The following RAPGEF3 variants were observed in gnomAD, a reference collection of about 807,000 sequenced individuals.
RAPGEF3 encodes 9330170P05Rik.
Under a neutral mutation model 129.8 loss-of-function variants are expected in RAPGEF3, and 103 were observed. The ratio of observed to expected loss-of-function variants is 0.79; its 90% confidence interval spans 0.68 to 0.93. The LOEUF (loss-of-function observed/expected upper bound fraction) is 0.93, where lower values mean the gene tolerates loss of function less well. Among genes scored for constraint, RAPGEF3 ranks in the 40% least tolerant of loss-of-function variants. RAPGEF3 has a pLI of 0.00. For missense variants in RAPGEF3, 1,117 were observed against 1,207.4 expected (o/e 0.93, Z 1.11); for synonymous variants, 436 against 482.6 (o/e 0.90, Z 1.26).
chr12:47,758,701 A>G lies in RAPGEF3; in HGVS notation c.-145T>C. ...GTGAACTGGGCCAGTGCCTAGCTGG[A>G]CTGGCTGCCAGGGCAGCAGGATGCA... On this transcript the variant is annotated 5_prime_UTR_variant, in exon 1 of 28. Transcript: ENST00000449771. 1 of 1,420,582 alleles carries G rather than the reference A, an allele frequency of 7.0e-7. No homozygotes were observed. The highest frequency in any genetic ancestry group is 2.4e-5 in the Admixed American group (1 of 41,664). The allele number at this position is 1,420,582 out of a possible 1,614,324, so 88.0% of individuals were successfully genotyped here.
intron 17 of RAPGEF3, 108 bp from the exon 18 acceptor site, chr12:47,743,784 G>C: frequency 6.8e-7 from 1 of 1,478,640 alleles, no homozygotes; most frequent in Non-Finnish European, 9.2e-7. Context: ...AAGAGGCTGA[G>C]CTGCAGGTGG....
intron 15 of RAPGEF3, among the ~76,000 whole-genome samples, chr12:47,747,172 C>T (rs1941470101): frequency 6.6e-6 from 1 of 152,158 alleles, no homozygotes; most frequent in South Asian, 2.1e-4. Flanking sequence ...AGCTCCCAAC[C>T]CCCCTGAATC....
Position 47,737,603 on chromosome 12 carries a change from C to T in RAPGEF3, c.2736G>A (p.Arg912=), listed in dbSNP as rs1188365273. ...GCTCTCGGGAGAGGCGGGAGAGTTC[C>T]CGCTGGTTGTCAATGACCTTCAGCT... ...VQQLKVIDNQ[R]ELSRLSRELE... Residue 912 remains arginine (R), a synonymous_variant, in exon 28 of 28, where the codon CGG becomes CGA. Coordinates refer to ENST00000449771, the MANE Select transcript of RAPGEF3 (RefSeq NM_001098531.4). 1 of 1,604,892 alleles carries T rather than the reference C, an allele frequency of 6.2e-7. No homozygotes were observed. The highest frequency in any genetic ancestry group is 8.5e-7 in the Non-Finnish European group (1 of 1,176,434).
chr12:47,748,998 C>T, intron 10 of RAPGEF3, 67 bp from the exon 11 acceptor site: 1 of 1,307,760 alleles, frequency 7.6e-7, no homozygotes, highest in Non-Finnish European at 1.1e-6. Context: ...TCATCTACCT[C>T]CTTCATTCCA....
intron 2 of RAPGEF3, among the ~76,000 whole-genome samples, chr12:47,754,885 TAACTCCCCTGGCACC>T (rs1383314672): frequency 1.3e-5 from 2 of 152,206 alleles, no homozygotes; most frequent in African/African-American, 2.4e-5. Flanking sequence ...GAGGAGGCAC[TAACTCCCCTGGCACC>T]AGCACTGTGG....
At chr12:47,754,089 T>C (rs1201180117) in intron 2 of RAPGEF3, 1 of 152,262 alleles carries the variant, frequency 6.6e-6, no homozygotes, top group Non-Finnish European at 1.5e-5. Flanking sequence ...ATTTGTTTCC[T>C]ATTTCACAGC....
At chr12:47,751,377 C>T (rs760881020) in intron 5 of RAPGEF3, 22 bp downstream of exon 5, 1 of 1,613,282 alleles carries the variant, frequency 6.2e-7, no homozygotes, top group South Asian at 1.1e-5. Context: ...CCCGGGGCAC[C>T]CCACCCTGGG....
At chr12:47,739,646 G>A in intron 23 of RAPGEF3, 1 of 380,268 alleles carries the variant, frequency 2.6e-6, no homozygotes, top group Non-Finnish European at 5.0e-6. Context: ...CTCCAGAATA[G>A]TCAAAACCCT....
chr12:47,738,240 A>G lies in RAPGEF3; in HGVS notation c.2534T>C (p.Met845Thr), dbSNP rs1220586727. The G allele has an allele frequency of 1.9e-6, 3 of 1,613,140 alleles. No individual in the cohort carries two copies. The highest frequency in any genetic ancestry group is 2.5e-6 in the Non-Finnish European group (3 of 1,179,904). The part of the protein sequence containing the change: ...NLINFEKMRM[M>T]ARAARMLHHC... ...GTGCAGCATCCGCGCGGCTCTGGCCATCATTCTCTGCGGACAACACCGGGG... is the reference window on the plus strand; with the variant it reads ...GTGCAGCATCCGCGCGGCTCTGGCCGTCATTCTCTGCGGACAACACCGGGG... The change falls in exon 26 of 28, where the codon ATG (methionine) becomes ACG (threonine). Residue 845 changes from methionine (M) to threonine (T), a missense_variant. Around this residue, in one of 3 missense-constraint regions of RAPGEF3, gnomAD observed 643 missense variants for 673.4 expected, o/e 0.95. Coordinates refer to ENST00000449771, the MANE Select transcript of RAPGEF3 (RefSeq NM_001098531.4).
chr12:47,756,003 A>C (rs1355617588), intron 2 of RAPGEF3: 1 of 152,262 alleles, frequency 6.6e-6, no homozygotes, highest in Non-Finnish European at 1.5e-5. Flanking sequence ...AAAGTTGGTC[A>C]TCAGAAGAGG....
intron 26 of RAPGEF3, 48 bp from the exon 27 acceptor site, chr12:47,738,141 C>T (rs2136726410): frequency 6.2e-7 from 1 of 1,613,966 alleles, no homozygotes; most frequent in South Asian, 1.1e-5. Flanking sequence ...CCTGGAGCCT[C>T]ACAGAGGATG....
chr12:47,753,845 T>C (rs942440070), intron 2 of RAPGEF3: 1 of 152,116 alleles, frequency 6.6e-6, no homozygotes, highest in African/African-American at 2.4e-5. Context: ...AGAGGGCACA[T>C]TAGGAGGGGT....
At chr12:47,737,916 G>T in intron 27 of RAPGEF3, 106 bp downstream of exon 27, 1 of 1,386,202 alleles carries the variant, frequency 7.2e-7, no homozygotes, top group Non-Finnish European at 1.0e-6. Flanking sequence ...TGTATGGAAG[G>T]GCCGGGCTCC....
rs765918128 is a variant in RAPGEF3 at position 47,740,354 on chromosome 12, A to C, written c.2273T>G (p.Met758Arg). ...QKNLNSFFAV[M>R]FGLSNSAISR... is the part of the protein sequence containing the mutation. ...GATGGCCGAGTTGCTGAGGCCAAAC[A>C]TGACGGCAAAGAAGGAATTGAGATT... is the stretch of plus-strand genomic sequence containing the variant. The change falls in exon 22 of 28, where the codon ATG (methionine) becomes AGG (arginine). Residue 758 changes from methionine (M) to arginine (R), a missense_variant. Met to Arg is a moderately conservative substitution (Grantham distance 91). Transcript: ENST00000449771. 2 of 1,614,110 alleles carry C rather than the reference A, an allele frequency of 1.2e-6. No individual in the cohort carries two copies. Among genetic ancestry groups the C allele is most frequent in the Admixed American group, 1.7e-5 (1 of 60,030 alleles).
In RAPGEF3 at chr12:47,735,889, C is replaced by G. The variant is rs1053086636; in HGVS notation, c.*1678G>C. The G allele has an allele frequency of 2.6e-5, 4 of 152,346 alleles. No individual in the cohort carries two copies. The highest frequency in any genetic ancestry group is 5.9e-5 in the Non-Finnish European group (4 of 68,112). The allele number at this position is 152,346 out of a possible 1,614,324, so 9.4% of individuals were successfully genotyped here. On this transcript the variant is annotated 3_prime_UTR_variant, in exon 28 of 28. Coordinates refer to ENST00000449771, the MANE Select transcript of RAPGEF3 (RefSeq NM_001098531.4). ...GCTTGAGCCTCCTGTCCTGATTGCT[C>G]AGTTCCAGATGCTTCCGTGCTTCTC...
Position 47,740,864 on chromosome 12 carries a change from G to A in RAPGEF3, c.2050-41C>T, listed in dbSNP as rs747564413. Reference sequence around the variant, plus strand: ...AGGAGAGGTCAGCGAGTGCTGAGCCGAGCCGGGCGCCCCGCCGCCTGCTCT... The same window carrying A: ...AGGAGAGGTCAGCGAGTGCTGAGCCAAGCCGGGCGCCCCGCCGCCTGCTCT... On this transcript the variant is annotated intron_variant, in intron 20 of 27. Coordinates refer to ENST00000449771, the MANE Select transcript of RAPGEF3 (RefSeq NM_001098531.4). 9.9e-6 allele frequency: 16 copies of A among 1,613,350 alleles called. No homozygotes were observed. The Admixed American group carries it at 1.2e-4, about 12-fold the overall frequency.
Position 47,741,543 on chromosome 12 carries a change from G to A in RAPGEF3, c.1885C>T (p.Arg629Cys), listed in dbSNP as rs146740422. Reference sequence around the variant, plus strand: ...TCCTGTGGGTTGACAACAAAGAGACGCTCATTGAGCCCCAGAGATGTGGCC... The same window carrying A: ...TCCTGTGGGTTGACAACAAAGAGACACTCATTGAGCCCCAGAGATGTGGCC... The part of the protein sequence containing the change: ...GVATSLGLNE[R>C]LFVVNPQEVH... The change falls in exon 19 of 28, where the codon CGT becomes TGT. Residue 629 changes from arginine to cysteine, a missense_variant. This residue lies in a region of RAPGEF3 where 643 missense variants were observed against 673.4 expected (regional missense o/e 0.95). Coordinates refer to ENST00000449771, the MANE Select transcript of RAPGEF3 (RefSeq NM_001098531.4). The A allele has an allele frequency of 2.2e-5, 36 of 1,614,006 alleles. No individual in the cohort carries two copies. In the Admixed American group the frequency reaches 2.8e-4, roughly 13 times the overall value.
intron 27 of RAPGEF3, 107 bp downstream of exon 27, chr12:47,737,915 G>T: frequency 7.2e-7 from 1 of 1,388,502 alleles, no homozygotes; most frequent in Non-Finnish European, 1.0e-6. Context: ...ATGTATGGAA[G>T]GGCCGGGCTC....
intron 1 of RAPGEF3, chr12:47,758,297 G>T (rs971601568): frequency 2.3e-5 from 33 of 1,432,120 alleles, no homozygotes; most frequent in Non-Finnish European, 2.7e-5. Context: ...TCTTGGAAAA[G>T]ATCAGGCCCT....
Sources: allele counts gnomAD v4.1 joint callset (sites outside exome capture counted in the v4.1 genomes callset), GRCh38; gene constraint gnomAD v4.1.1; regional missense constraint gnomAD v4.1.1; transcripts MANE v1.5; gene names NCBI Gene and HGNC (gene_info 2026-07-23, HGNC 2026-07-21).